RIT2: variants seen among roughly 807,000 people sequenced by gnomAD.
RIT2 encodes Ras like without CAAX 2, also known as GTP-binding protein Rit2.
In RIT2, 24 loss-of-function variants were observed where a neutral mutation model predicts 23.7. The observed-to-expected ratio is 1.01, with a 90% CI of 0.73 to 1.43. The LOEUF (loss-of-function observed/expected upper bound fraction) is 1.43. Among genes scored for constraint, RIT2 ranks in the 40% most tolerant of loss-of-function variants. RIT2 has a pLI of 0.00. For synonymous variants in RIT2, 107 were observed against 91.1 expected (o/e 1.17, Z -0.99); for missense variants, 236 against 266.9 (o/e 0.88, Z 0.81).
At chr18:42,853,535 A>G (rs1383049214) in intron 4 of RIT2, among the ~76,000 whole-genome samples, 1 of 152,240 alleles carries the variant, frequency 6.6e-6, no homozygotes, top group African/African-American at 2.4e-5. Flanking sequence ...ATAAAGACCC[A>G]TAGAATATTA....
intron 3 of RIT2, among the ~76,000 whole-genome samples, chr18:42,955,945 T>C (rs1192380687): frequency 6.6e-6 from 1 of 152,186 alleles, no homozygotes; most frequent in Non-Finnish European, 1.5e-5. Context: ...GTAATTTCTT[T>C]TGCATCTGTA....
chr18:42,759,802 G>A (rs1217294055), intron 4 of RIT2, among the ~76,000 whole-genome samples: 1 of 150,162 alleles, frequency 6.7e-6, no homozygotes, highest in Admixed American at 6.6e-5. Flanking sequence ...TCAAGCCCGA[G>A]TTTTGCTCTT....
At chr18:42,840,162 T>A (rs1393588586) in intron 4 of RIT2, among the ~76,000 whole-genome samples, 1 of 152,220 alleles carries the variant, frequency 6.6e-6, no homozygotes, top group Non-Finnish European at 1.5e-5. Flanking sequence ...ACTATAAAGC[T>A]TTCTCACTTC....
chr18:42,837,784 G>C (rs1484321559), intron 4 of RIT2, among the ~76,000 whole-genome samples: 1 of 151,842 alleles, frequency 6.6e-6, no homozygotes, highest in Non-Finnish European at 1.5e-5. Flanking sequence ...TTGTTGCTTT[G>C]TTTTTATTTA....
At chr18:42,871,109 T>C (rs1434324629) in intron 4 of RIT2, among the ~76,000 whole-genome samples, 2 of 152,216 alleles carry the variant, frequency 1.3e-5, no homozygotes, top group Non-Finnish European at 2.9e-5. Context: ...GATATTATTA[T>C]TCAGTTCATG....
intron 2 of RIT2, among the ~76,000 whole-genome samples, chr18:42,986,439 G>A (rs925778253): frequency 5.9e-5 from 9 of 151,968 alleles, no homozygotes; most frequent in African/African-American, 1.7e-4. Flanking sequence ...TTGGGGTGGT[G>A]GTTTTTAGTT....
chr18:43,075,814 C>A (rs529548861), intron 1 of RIT2, among the ~76,000 whole-genome samples: 2 of 152,242 alleles, frequency 1.3e-5, no homozygotes, highest in African/African-American at 4.8e-5. Context: ...GCCAAAAATG[C>A]CCTTGCCTTT....
intron 1 of RIT2, among the ~76,000 whole-genome samples, chr18:43,083,689 A>G (rs1319662375): frequency 6.6e-6 from 1 of 152,194 alleles, no homozygotes; most frequent in Non-Finnish European, 1.5e-5. Context: ...ATATGCAGAA[A>G]ACTGAAACTG....
chr18:42,919,208 T>A (rs892267278), intron 4 of RIT2, among the ~76,000 whole-genome samples: 1 of 152,152 alleles, frequency 6.6e-6, no homozygotes, highest in Admixed American at 6.6e-5. Flanking sequence ...CTAATTCTCA[T>A]GGTTCCAAAT....
At chr18:42,927,393 T>C (rs1909209917) in intron 3 of RIT2, among the ~76,000 whole-genome samples, 1 of 151,576 alleles carries the variant, frequency 6.6e-6, no homozygotes, top group Non-Finnish European at 1.5e-5. Context: ...TGTGTGTGTG[T>C]GTGTGTGTGT....
At chr18:43,098,603 A>C (rs73954415) in intron 1 of RIT2, among the ~76,000 whole-genome samples, 408 of 152,110 alleles carry the variant, frequency 2.7e-3, no homozygotes, top group African/African-American at 9.5e-3. Context: ...TAATAGTTAC[A>C]ATAACAATAG....
chr18:42,893,197 G>A, intron 4 of RIT2, among the ~76,000 whole-genome samples: 1 of 138,848 alleles, frequency 7.2e-6, no homozygotes, highest in East Asian at 2.1e-4. Flanking sequence ...CTGCACTCCA[G>A]CCTGGGAAAC....
At chr18:43,091,389 T>A (rs891814892) in intron 1 of RIT2, among the ~76,000 whole-genome samples, 3 of 152,082 alleles carry the variant, frequency 2.0e-5, no homozygotes, top group Non-Finnish European at 4.4e-5. Context: ...ACCAATGAGA[T>A]TCACTAATAT....
intron 4 of RIT2, among the ~76,000 whole-genome samples, chr18:42,807,414 C>T (rs1329692257): frequency 1.3e-5 from 2 of 152,118 alleles, no homozygotes; most frequent in African/African-American, 2.4e-5. Flanking sequence ...GTCAGGAGTT[C>T]GAGACCAGCC....
chr18:43,058,996 A>T (rs1167487889), intron 1 of RIT2, among the ~76,000 whole-genome samples: 2 of 131,212 alleles, frequency 1.5e-5, no homozygotes, highest in East Asian at 2.0e-4. Context: ...TCCAATCTTC[A>T]ACATAGCTGC....
chr18:42,910,336 T>C (rs1908734887), intron 4 of RIT2, among the ~76,000 whole-genome samples: 1 of 152,088 alleles, frequency 6.6e-6, no homozygotes, highest in Non-Finnish European at 1.5e-5. Flanking sequence ...CCCACTTATA[T>C]GTGGGCTGTA....
chr18:42,916,358 T>A (rs774042227), intron 4 of RIT2, among the ~76,000 whole-genome samples: 1 of 152,098 alleles, frequency 6.6e-6, no homozygotes, highest in South Asian at 2.1e-4. Context: ...ATCTCCAGAT[T>A]ACTCACCTTT....
chr18:42,859,939 A>G (rs1455042915), intron 4 of RIT2, among the ~76,000 whole-genome samples: 1 of 151,968 alleles, frequency 6.6e-6, no homozygotes, highest in African/African-American at 2.4e-5. Context: ...AATATGTCAG[A>G]AATTTTCAGA....
intron 4 of RIT2, among the ~76,000 whole-genome samples, chr18:42,814,922 A>C (rs1210114983): frequency 6.6e-6 from 1 of 152,152 alleles, no homozygotes; most frequent in African/African-American, 2.4e-5. Context: ...GAAGAGAGAT[A>C]ATGATTACTA....
Sources: allele counts gnomAD v4.1 joint callset (sites outside exome capture counted in the v4.1 genomes callset), GRCh38; gene constraint gnomAD v4.1.1; transcripts MANE v1.5; gene names NCBI Gene and HGNC (gene_info 2026-07-23, HGNC 2026-07-21).